CACNA1C: variants seen among roughly 807,000 people sequenced by gnomAD.
CACNA1C encodes calcium voltage-gated channel subunit alpha1 C.
CACNA1C carries 30 observed loss-of-function variants against 229.0 expected under a neutral mutation model. That is an observed-to-expected ratio of 0.13 (90% CI 0.10 to 0.18). The LOEUF (loss-of-function observed/expected upper bound fraction) is 0.18, where lower values mean the gene tolerates loss of function less well. CACNA1C is among the 10% of genes least tolerant of loss of function. The pLI is 1.00. For synonymous variants in CACNA1C, 1,114 were observed against 1,132.5 expected (o/e 0.98, Z 0.33); for missense variants, 1,658 against 2,845.0 (o/e 0.58, Z 9.49).
intron 12 of CACNA1C, 116 bp from the exon 13 acceptor site, chr12:2,567,453 A>T (rs2051777264): frequency 1.5e-6 from 1 of 647,146 alleles, no homozygotes; most frequent in Admixed American, 2.7e-5. Context: ...TGGATGGGAG[A>T]GGTGTCATGG....
chr12:2,634,265 C>T (rs1480247010), intron 29 of CACNA1C, 32 bp from the exon 30 acceptor site: 3 of 856,494 alleles, frequency 3.5e-6, no homozygotes, highest in Non-Finnish European at 4.7e-6. Flanking sequence ...GGTTCTTCTT[C>T]TCTCTCTCCC....
chr12:2,492,265 A>C (rs1158400701), intron 6 of CACNA1C, among the ~76,000 whole-genome samples: 1 of 152,176 alleles, frequency 6.6e-6, no homozygotes, highest in Non-Finnish European at 1.5e-5. Context: ...TTCATTCATT[A>C]ATTTGCTGGG....
intron 7 of CACNA1C, among the ~76,000 whole-genome samples, chr12:2,502,420 G>A (rs1478417609): frequency 6.6e-6 from 1 of 152,186 alleles, no homozygotes; most frequent in Admixed American, 6.5e-5. Flanking sequence ...TAATAAATAG[G>A]TAATGATACA....
chr12:2,189,092 C>CAAAA (rs57559183), intron 3 of CACNA1C, among the ~76,000 whole-genome samples: 13 of 34,396 alleles, frequency 3.8e-4, no homozygotes, highest in African/African-American at 1.3e-4. Flanking sequence ...GACTCCGTCT[C>CAAAA]AAAAAAAAAA....
At chr12:2,249,596 A>G (rs1415598864) in intron 3 of CACNA1C, among the ~76,000 whole-genome samples, 3 of 152,026 alleles carry the variant, frequency 2.0e-5, no homozygotes, top group Non-Finnish European at 2.9e-5. Flanking sequence ...GTCACCCCCA[A>G]CCCTCACATT....
chr12:2,291,368 A>G (rs541796602), intron 3 of CACNA1C, among the ~76,000 whole-genome samples: 11 of 152,240 alleles, frequency 7.2e-5, no homozygotes, highest in African/African-American at 2.4e-4. Flanking sequence ...TCCGCCGCAG[A>G]ATTTGCCTGC....
intron 29 of CACNA1C, among the ~76,000 whole-genome samples, chr12:2,615,510 C>G (rs932213257): frequency 6.6e-6 from 1 of 152,182 alleles, no homozygotes; most frequent in Non-Finnish European, 1.5e-5. Context: ...TATCATTTCT[C>G]CTCAAACTGA....
intron 3 of CACNA1C, among the ~76,000 whole-genome samples, chr12:2,358,506 A>G (rs2097455546): frequency 6.6e-6 from 1 of 152,180 alleles, no homozygotes. Context: ...ACAGGAATTA[A>G]CTATACTCTC....
intron 31 of CACNA1C, 21 bp downstream of exon 31, chr12:2,648,528 C>T (rs1270507115): frequency 1.9e-6 from 3 of 1,612,852 alleles, no homozygotes; most frequent in Non-Finnish European, 1.7e-6. Context: ...CCCTCCCGAC[C>T]ATGCTCCCGG....
intron 1 of CACNA1C, among the ~76,000 whole-genome samples, chr12:2,099,313 A>T (rs1462455410): frequency 1.3e-5 from 2 of 152,240 alleles, no homozygotes; most frequent in African/African-American, 2.4e-5. Context: ...AGAGAACCAC[A>T]GTTGGAAACC....
intron 3 of CACNA1C, among the ~76,000 whole-genome samples, chr12:2,253,104 T>C (rs976454271): frequency 6.6e-6 from 1 of 152,216 alleles, no homozygotes; most frequent in African/African-American, 2.4e-5. Flanking sequence ...CTGGTGAGTT[T>C]GGTGTAGCCC....
intron 3 of CACNA1C, among the ~76,000 whole-genome samples, chr12:2,256,090 C>CGATCCTGACCTGACTAGTTTACAAT (rs142296568): frequency 1.1e-4 from 4 of 34,890 alleles, no homozygotes; most frequent in Non-Finnish European, 1.4e-4. Context: ...TACAATCACA[C>CGATCCTGACCTGACTAGTTTACAAT]CTCCTGTTTC....
At position 2,601,114 on chromosome 12, in the gene CACNA1C, AACTTT is replaced by A. The variant is rs1418470066; in HGVS notation, c.2854-739_2854-735del. On this transcript the variant is annotated intron_variant, in intron 21 of 46. Transcript: ENST00000399655. The surrounding 1 kb of genome is among the most constrained non-coding windows in gnomAD (Gnocchi z 5.9). ...AGCCTCATAGCCCCTCTGATCACAC[AACTTT>A]TGCCCTTAAAGAACTCCAGATGTAG... Among the ~76,000 whole-genome samples, 1 of 152,160 alleles carries A rather than the reference AACTTT, an allele frequency of 6.6e-6. No homozygotes were observed. Among genetic ancestry groups the A allele is most frequent in the Non-Finnish European group, 1.5e-5 (1 of 68,022 alleles).
chr12:2,275,219 A>G lies in CACNA1C; in HGVS notation c.477+154789A>G, dbSNP rs1034117422. Among the ~76,000 whole-genome samples the G allele has an allele frequency of 1.3e-5, 2 of 152,204 alleles. No individual in the cohort carries two copies. The highest frequency in any genetic ancestry group is 2.4e-5 in the African/African-American group (1 of 41,446). On this transcript the variant is annotated intron_variant, in intron 3 of 46. Transcript: ENST00000399655. This position sits in a 1 kb window ranked among gnomAD's most constrained non-coding sequence, Gnocchi z 4.1. ...ATTGTCCTGCTAGCTAGCAGTCATC[A>G]TCAGCAATGTTAGCCCGGCAAACGT...
At chr12:2,109,216 C>T (rs893602516) in intron 1 of CACNA1C, among the ~76,000 whole-genome samples, 22 of 152,244 alleles carry the variant, frequency 1.4e-4, no homozygotes, top group African/African-American at 4.3e-4. Flanking sequence ...TTCCTACTCA[C>T]GGCTGATTGG....
At chr12:2,416,246 C>T (rs997440422) in intron 3 of CACNA1C, among the ~76,000 whole-genome samples, 1 of 152,176 alleles carries the variant, frequency 6.6e-6, no homozygotes, top group Non-Finnish European at 1.5e-5. Context: ...CTTTATGGCT[C>T]GCTTTCTCTT....
chr12:2,158,295 T>C (rs1733416062), intron 3 of CACNA1C, among the ~76,000 whole-genome samples: 1 of 152,178 alleles, frequency 6.6e-6, no homozygotes, highest in Non-Finnish European at 1.5e-5. Context: ...TACAAGTTTC[T>C]AGGCTGGGCA....
chr12:1,997,998 A>G (rs768008783), intron 1 of CACNA1C: 46 of 1,599,482 alleles, frequency 2.9e-5, no homozygotes, highest in African/African-American at 1.3e-4. Flanking sequence ...AACAAAACAC[A>G]CAAGACATGT....
At chr12:2,299,138 G>A (rs781511458) in intron 3 of CACNA1C, among the ~76,000 whole-genome samples, 9 of 152,158 alleles carry the variant, frequency 5.9e-5, no homozygotes, top group Non-Finnish European at 1.3e-4. Context: ...AATGCCCAGT[G>A]TCTTTCATCC....
Sources: allele counts gnomAD v4.1 joint callset (sites outside exome capture counted in the v4.1 genomes callset), GRCh38; gene constraint gnomAD v4.1.1; non-coding constraint Gnocchi (gnomAD v3.1); transcripts MANE v1.5; gene names NCBI Gene and HGNC (gene_info 2026-07-23, HGNC 2026-07-21).